The following HEMK1 variants were observed in gnomAD, a reference collection of about 807,000 sequenced individuals.
HEMK1 encodes HemK methyltransferase 1, mitochondrial release factors N(5)-glutamine, also known as MTRF1L release factor glutamine methyltransferase.
In HEMK1, 36 loss-of-function variants were observed where a neutral mutation model predicts 47.9. The ratio of observed to expected loss-of-function variants is 0.75; its 90% CI spans 0.58 to 0.99. The LOEUF (loss-of-function observed/expected upper bound fraction) is 0.99. Among genes scored for constraint, HEMK1 ranks in the 50% least tolerant of loss-of-function variants. The pLI is 0.00. For synonymous variants in HEMK1, 153 were observed against 165.4 expected (o/e 0.93, Z 0.57); for missense variants, 383 against 434.5 (o/e 0.88, Z 1.05).
rs1248385700 is a variant in HEMK1 at position 50,587,410 on chromosome 3, C to CAGG, written c.*6995_*6997dup. The CAGG allele has an allele frequency of 6.6e-6, 1 of 152,234 alleles. No homozygotes were observed. The highest frequency in any genetic ancestry group is 2.4e-5 in the African/African-American group (1 of 41,436). The allele number at this position is 152,234 out of a possible 1,614,324, so 9.4% of individuals were successfully genotyped here. A position where few individuals can be genotyped will look rare whatever the true frequency, so the allele number is the denominator to read the frequency against. On this transcript the variant is annotated 3_prime_UTR_variant, in exon 11 of 11. Transcript: ENST00000232854. The surrounding 1 kb of genome is among the most constrained non-coding windows in gnomAD (Gnocchi z 4.2). ...TGGTGCATCCTGCGCCAAGTACTTC[C>CAGG]AGGATTATCTTACTCAACCTTCATG...
intron 8 of HEMK1, among the ~76,000 whole-genome samples, chr3:50,579,565 C>G (rs757357595): frequency 6.6e-6 from 1 of 152,154 alleles, no homozygotes; most frequent in Admixed American, 6.5e-5. Flanking sequence ...TGTGGGGAGA[C>G]ACTCATGCCC....
rs753829609 is a variant in HEMK1 at position 50,572,131 on chromosome 3, A to C, written c.337A>C (p.Ile113Leu). Residue 113 changes from isoleucine to leucine, a missense_variant, in exon 4 of 11, where the codon ATC becomes CTC. Physicochemically the swap from Ile to Leu is conservative, Grantham distance 5 (BLOSUM62 2). Coordinates refer to ENST00000232854, the MANE Select transcript of HEMK1 (RefSeq NM_016173.5). ...CCTCTGCAGGATGCCGGTGCAGTAC[A>C]TCCTTGGAGAGTGGGACTTCCAGGG... ...RRLQRMPVQY[I>L]LGEWDFQGLS... The C allele has an allele frequency of 6.2e-7, 1 of 1,613,950 alleles. No homozygotes were observed. The highest frequency in any genetic ancestry group is 8.5e-7 in the Non-Finnish European group (1 of 1,179,952).
intron 4 of HEMK1, among the ~76,000 whole-genome samples, chr3:50,572,915 TG>T (rs1398556895): frequency 1.3e-5 from 2 of 152,194 alleles, no homozygotes; most frequent in Non-Finnish European, 2.9e-5. Context: ...GGAGTAGAGC[TG>T]GGTGAGAGCT....
chr3:50,596,149 A>G lies in HEMK1; in HGVS notation c.*15732A>G, dbSNP rs2031960968. 2 of 152,222 alleles carry G rather than the reference A, an allele frequency of 1.3e-5. No individual in the cohort carries two copies. The highest frequency in any genetic ancestry group is 4.8e-5 in the African/African-American group (2 of 41,446). 9.4% of individuals were successfully genotyped at this position (152,222 alleles called of 1,614,324 possible). On this transcript the variant is annotated 3_prime_UTR_variant, in exon 11 of 11. Transcript: ENST00000232854. ...ACAAACATACAAGTGATCAATTTCCAATAAATTGATTAAAGAATTCATGTG... is the reference window on the plus strand; with the variant it reads ...ACAAACATACAAGTGATCAATTTCCGATAAATTGATTAAAGAATTCATGTG...
chr3:50,572,236 A>G (rs1178162149), intron 4 of HEMK1, 28 bp downstream of exon 4: 1 of 1,556,282 alleles, frequency 6.4e-7, no homozygotes, highest in Non-Finnish European at 8.8e-7. Context: ...GCAAGGCAGG[A>G]TCAGGATGAT....
At position 50,578,867 on chromosome 3, in the gene HEMK1, C is replaced by T; in HGVS notation, c.711C>T (p.Val237=). 1 of 1,613,600 alleles carries T rather than the reference C, an allele frequency of 6.2e-7. No individual in the cohort carries two copies. Among genetic ancestry groups the T allele is most frequent in the Non-Finnish European group, 8.5e-7 (1 of 1,179,782 alleles). ...CCTGGGGCCCCATGGACCTGATTGT[C>T]AGCAACCCTCCCTACGTCTTCCACC... The part of the protein sequence containing the change: ...HLPWGPMDLI[V]SNPPYVFHQD... The change falls in exon 8 of 11, where the codon GTC becomes GTT. Residue 237 remains valine, a synonymous_variant. Coordinates refer to ENST00000232854, the MANE Select transcript of HEMK1 (RefSeq NM_016173.5).
chr3:50,578,561 CAG>C (rs1376787695), intron 7 of HEMK1, among the ~76,000 whole-genome samples: 2 of 152,230 alleles, frequency 1.3e-5, no homozygotes, highest in Non-Finnish European at 1.5e-5. Flanking sequence ...GGCACTTGAA[CAG>C]AGTCTTGCAT....
In HEMK1 at chr3:50,577,868, G is replaced by A. The variant is rs1328864674; in HGVS notation, c.657G>A (p.Met219Ile). Residue 219 changes from methionine (M) to isoleucine (I), a missense_variant, in exon 7 of 11, where the codon ATG becomes ATA. Physicochemically the swap from Met to Ile is conservative, Grantham distance 10. Transcript: ENST00000232854. ...QDRIWIIHLD[M>I]TSERSWTHLP... is the part of the protein sequence containing the mutation. ...GGATTTGGATCATCCACCTCGACAT[G>A]ACCTCAGGTACCCTCCCCTGCATGT... 1 of 1,614,114 alleles carries A rather than the reference G, an allele frequency of 6.2e-7. No homozygotes were observed. Among genetic ancestry groups the A allele is most frequent in the Non-Finnish European group, 8.5e-7 (1 of 1,180,016 alleles).
In HEMK1 at chr3:50,577,503, G is replaced by A. The variant is rs767218311; in HGVS notation, c.550-6G>A. ...TCCACATATCCTCTGTTTGTTCTTG[G>A]GACAGAGCCGAGTCATTGCTGTGGA... On this transcript the variant is annotated splice_region_variant and splice_polypyrimidine_tract_variant and intron_variant, in intron 5 of 10. Transcript: ENST00000232854. 1.2e-6 allele frequency: 2 copies of A among 1,613,832 alleles called. No homozygotes were observed. The highest frequency in any genetic ancestry group is 1.7e-6 in the Non-Finnish European group (2 of 1,179,852).
chr3:50,574,175 A>G (rs763903546), intron 4 of HEMK1, among the ~76,000 whole-genome samples: 1 of 152,056 alleles, frequency 6.6e-6, no homozygotes, highest in East Asian at 1.9e-4. Flanking sequence ...TCTGTGCCCC[A>G]CCCTGTTCTT....
Position 50,584,799 on chromosome 3 carries a change from G to A in HEMK1, c.*4382G>A, listed in dbSNP as rs956671554. ...ATTTGTTACAGCAGCCACGGGAAAC[G>A]AATATAGATTGTGGTGCCCAAATTA... On this transcript the variant is annotated 3_prime_UTR_variant, in exon 11 of 11. Transcript: ENST00000232854. 6 of 152,220 alleles carry A rather than the reference G, an allele frequency of 3.9e-5. No individual in the cohort carries two copies. The highest frequency in any genetic ancestry group is 1.4e-4 in the African/African-American group (6 of 41,462). 9.4% of individuals were successfully genotyped at this position (152,220 alleles called of 1,614,324 possible). A position where few individuals can be genotyped will look rare whatever the true frequency, so the allele number is the denominator to read the frequency against.
chr3:50,577,407 T>C lies in HEMK1; in HGVS notation c.550-102T>C, dbSNP rs554054855. The C allele has an allele frequency of 8.7e-6, 11 of 1,264,398 alleles. 1 individual carries two copies. The highest frequency in any genetic ancestry group is 4.4e-5 in the African/African-American group (3 of 67,998). 78.3% of individuals were successfully genotyped at this position (1,264,398 alleles called of 1,614,324 possible). A position where few individuals can be genotyped will look rare whatever the true frequency, so the allele number is the denominator to read the frequency against. On this transcript the variant is annotated intron_variant, in intron 5 of 10. Coordinates refer to ENST00000232854, the MANE Select transcript of HEMK1 (RefSeq NM_016173.5). Reference sequence around the variant, plus strand: ...AAGAAAAGGCTGTTGGGTATTTCCCTTCTCTTCTGGTGGGGGGTTGGAGGA... The same window carrying C: ...AAGAAAAGGCTGTTGGGTATTTCCCCTCTCTTCTGGTGGGGGGTTGGAGGA...
intron 6 of HEMK1, 123 bp downstream of exon 6, chr3:50,577,696 T>G: frequency 7.4e-7 from 1 of 1,347,064 alleles, no homozygotes; most frequent in African/African-American, 1.4e-5. Flanking sequence ...ATGGGTCCCA[T>G]GGGGTTCTGA....
intron 4 of HEMK1, 98 bp downstream of exon 4, chr3:50,572,306 T>TG: frequency 2.3e-6 from 3 of 1,323,986 alleles, no homozygotes; most frequent in Non-Finnish European, 3.2e-6. Context: ...TGGGGCCCCA[T>TG]GACTTCAGGG....
At position 50,579,882 on chromosome 3, in the gene HEMK1, G is replaced by A; in HGVS notation, c.809G>A (p.Gly270Asp). Residue 270 changes from glycine to aspartate, a missense_variant, in exon 9 of 11, where the codon GGC (glycine) becomes GAC (aspartate). Transcript: ENST00000232854. ...DPAALDGGEE[G>D]MDIITHILAL... is the part of the protein sequence containing the mutation. ...GCGGCCCTGGATGGTGGGGAGGAGG[G>A]CATGGACATCATTACCCACATTCTG... 1 of 1,614,006 alleles carries A rather than the reference G, an allele frequency of 6.2e-7. No individual in the cohort carries two copies. Among genetic ancestry groups the A allele is most frequent in the Non-Finnish European group, 8.5e-7 (1 of 1,179,942 alleles).
intron 4 of HEMK1, among the ~76,000 whole-genome samples, chr3:50,576,699 G>A (rs900709213): frequency 2.0e-5 from 3 of 152,218 alleles, no homozygotes; most frequent in East Asian, 1.9e-4. Flanking sequence ...ATGAGCCACC[G>A]TGCCCAGCCA....
chr3:50,574,892 G>C (rs981458973), intron 4 of HEMK1, among the ~76,000 whole-genome samples: 3 of 152,212 alleles, frequency 2.0e-5, no homozygotes, highest in African/African-American at 7.2e-5. Flanking sequence ...GCCAAGTTCT[G>C]CCTGCTTTGG....
chr3:50,575,286 A>G (rs924869414), intron 4 of HEMK1, among the ~76,000 whole-genome samples: 1 of 152,094 alleles, frequency 6.6e-6, no homozygotes, highest in African/African-American at 2.4e-5. Flanking sequence ...GCCAGGCACA[A>G]TGGTGCATGC....
rs1243886376 is a variant in HEMK1, at chr3:50,571,041, G to A, written c.-64G>A. On this transcript the variant is annotated 5_prime_UTR_variant, in exon 2 of 11. Coordinates refer to ENST00000232854, the MANE Select transcript of HEMK1 (RefSeq NM_016173.5). ...GGGGCCACTCTCAGCACTCACCTCAGCAGCTGACATCATAAAGCAGACTTG... is the reference window on the plus strand; with the variant it reads ...GGGGCCACTCTCAGCACTCACCTCAACAGCTGACATCATAAAGCAGACTTG... 1.5e-6 allele frequency: 2 copies of A among 1,303,678 alleles called. No homozygotes were observed. Among genetic ancestry groups the A allele is most frequent in the African/African-American group, 1.5e-5 (1 of 67,540 alleles). The allele number at this position is 1,303,678 out of a possible 1,614,324, so 80.8% of individuals were successfully genotyped here. A position where few individuals can be genotyped will look rare whatever the true frequency, so the allele number is the denominator to read the frequency against.
Sources: allele counts gnomAD v4.1 joint callset (sites outside exome capture counted in the v4.1 genomes callset), GRCh38; gene constraint gnomAD v4.1.1; non-coding constraint Gnocchi (gnomAD v3.1); transcripts MANE v1.5; gene names NCBI Gene and HGNC (gene_info 2026-07-23, HGNC 2026-07-21).